The following TGM3 variants were observed in gnomAD, a reference collection of about 807,000 sequenced individuals.
TGM3 encodes transglutaminase 3, also known as protein-glutamine gamma-glutamyltransferase E.
In TGM3, 52 loss-of-function variants were observed where a neutral mutation model predicts 73.8. The ratio of observed to expected loss-of-function variants is 0.70; its 90% CI spans 0.56 to 0.89. The LOEUF (loss-of-function observed/expected upper bound fraction) is 0.89, where lower values mean the gene tolerates loss of function less well. Among genes scored for constraint, TGM3 ranks in the 40% least tolerant of loss-of-function variants. The pLI, the probability that TGM3 is intolerant of heterozygous loss-of-function variation, is 0.00. For missense variants in TGM3, 928 were observed against 909.9 expected (o/e 1.02, Z -0.26); for synonymous variants, 372 against 354.9 (o/e 1.05, Z -0.54).
Position 2,328,513 on chromosome 20 carries a change from C to T in TGM3, c.1333+148C>T. The T allele has an allele frequency of 8.5e-7, 1 of 1,176,430 alleles. No individual in the cohort carries two copies. 72.9% of individuals were successfully genotyped at this position (1,176,430 alleles called of 1,614,324 possible). On this transcript the variant is annotated intron_variant, in intron 9 of 12. Coordinates refer to ENST00000381458, the MANE Select transcript of TGM3 (RefSeq NM_003245.4). This position sits in a 1 kb window ranked among gnomAD's most constrained non-coding sequence, Gnocchi z 5.2. ...AGGATTGCTCCCTAGCACCTAACAT[C>T]CACCTCCCAGGACTGTTTCCGGAGG... is the stretch of plus-strand genomic sequence containing the variant.
intron 7 of TGM3, among the ~76,000 whole-genome samples, chr20:2,317,999 G>A (rs1453551085): frequency 6.7e-6 from 1 of 149,846 alleles, no homozygotes; most frequent in Non-Finnish European, 1.5e-5. Flanking sequence ...AAAGTTCAGA[G>A]TTTATTCTGG....
chr20:2,326,097 C>T (rs979211624), intron 8 of TGM3, 145 bp downstream of exon 8: 2 of 822,428 alleles, frequency 2.4e-6, no homozygotes, highest in Admixed American at 2.5e-5. Context: ...AATAGATCTC[C>T]CCTGCTAATT....
intron 1 of TGM3, among the ~76,000 whole-genome samples, chr20:2,300,879 A>G (rs1290885628): frequency 6.6e-6 from 1 of 151,930 alleles, no homozygotes; most frequent in Non-Finnish European, 1.5e-5. Flanking sequence ...GTTTCCCCCA[A>G]TCTCTGGGGG....
At position 2,334,192 on chromosome 20, in the gene TGM3, G is replaced by T. The variant is rs1600708518; in HGVS notation, c.1643-924G>T. Among the ~76,000 whole-genome samples, 1 of 152,176 alleles carries T rather than the reference G, an allele frequency of 6.6e-6. No individual in the cohort carries two copies. Among genetic ancestry groups the T allele is most frequent in the East Asian group, 1.9e-4 (1 of 5,188 alleles). On this transcript the variant is annotated intron_variant, in intron 10 of 12. Transcript: ENST00000381458. The surrounding 1 kb of genome is among the most constrained non-coding windows in gnomAD (Gnocchi z 4.0). ...GAAGCCAGGGGAGGCATTTCCATCT[G>T]GGGGAACCATGTGAGTCAAAATATG...
Position 2,328,448 on chromosome 20 carries a change from T to C in TGM3, c.1333+83T>C, listed in dbSNP as rs1568631253. On this transcript the variant is annotated intron_variant, in intron 9 of 12. Transcript: ENST00000381458. The surrounding 1 kb of genome is among the most constrained non-coding windows in gnomAD (Gnocchi z 5.2). ...CTGAGGCTGGAGAGGAGAAAAGTCCTCACCTCCCCCGCACTGGCAGCCAGT... is the reference window on the plus strand; with the variant it reads ...CTGAGGCTGGAGAGGAGAAAAGTCCCCACCTCCCCCGCACTGGCAGCCAGT... 2.6e-6 allele frequency: 4 copies of C among 1,563,856 alleles called. No homozygotes were observed. The East Asian group carries it at 9.1e-5, about 36-fold the overall frequency.
rs1197733976 is a variant in TGM3, at chr20:2,325,951, A to G, written c.1086A>G (p.Gln362=). The change falls in exon 8 of 13, where the codon CAA becomes CAG. Residue 362 remains glutamine (Q), a splice_region_variant and synonymous_variant. Transcript: ENST00000381458. ...VLDATPQERS[Q]GVFQCGPASV... ...ATGCTACCCCGCAGGAAAGAAGCCA[A>G]GGTAACTTCTCTGGGTGTGGTTCTG... 4.4e-6 allele frequency: 7 copies of G among 1,589,548 alleles called. No individual in the cohort carries two copies. Among genetic ancestry groups the G allele is most frequent in the Admixed American group, 1.8e-5 (1 of 57,044 alleles).
At position 2,309,681 on chromosome 20, in the gene TGM3, G is replaced by A; in HGVS notation, c.32G>A (p.Trp11Ter). 1 of 1,614,086 alleles carries A rather than the reference G, an allele frequency of 6.2e-7. No individual in the cohort carries two copies. Among genetic ancestry groups the A allele is most frequent in the Non-Finnish European group, 8.5e-7 (1 of 1,180,004 alleles). Residue 11 changes from tryptophan to a stop codon, truncating the protein, a stop_gained, in exon 2 of 13, where the codon TGG becomes TAG. Transcript: ENST00000381458. LOFTEE classifies it high-confidence loss of function. ...GCTCTAGGAGTCCAGAGTATCAACTGGCAGACGGCCTTCAACCGACAAGCG... is the reference window on the plus strand; with the variant it reads ...GCTCTAGGAGTCCAGAGTATCAACTAGCAGACGGCCTTCAACCGACAAGCG... MAALGVQSINWQTAFNRQAHH... is the reference protein window; with the variant it reads MAALGVQSIN
intron 9 of TGM3, among the ~76,000 whole-genome samples, 158 bp from the exon 10 acceptor site, chr20:2,331,844 T>G (rs1033747446): frequency 1.2e-4 from 18 of 152,226 alleles, no homozygotes; most frequent in Non-Finnish European, 1.6e-4. Flanking sequence ...GAGTCTCCGG[T>G]TAAGACAGGC....
chr20:2,306,080 G>T (rs148872401), intron 1 of TGM3, among the ~76,000 whole-genome samples: 1 of 152,240 alleles, frequency 6.6e-6, no homozygotes, highest in African/African-American at 2.4e-5. Flanking sequence ...ACAAGACATT[G>T]GTCTCTGGGA....
chr20:2,321,966 C>T (rs1287514184), intron 7 of TGM3, among the ~76,000 whole-genome samples: 1 of 151,822 alleles, frequency 6.6e-6, no homozygotes, highest in Admixed American at 6.6e-5. Flanking sequence ...TTTTAACCAG[C>T]CTGCCCTTCC....
chr20:2,311,772 A>G (rs548798491), intron 4 of TGM3, among the ~76,000 whole-genome samples: 1 of 152,302 alleles, frequency 6.6e-6, no homozygotes, highest in South Asian at 2.1e-4. Flanking sequence ...TGGGAGGAAG[A>G]AAAAAGAGAA....
chr20:2,338,810 C>G (rs993756408), intron 11 of TGM3, among the ~76,000 whole-genome samples: 1 of 152,238 alleles, frequency 6.6e-6, no homozygotes, highest in Non-Finnish European at 1.5e-5. Context: ...AAAATGCTTT[C>G]TTCCCCATCC....
chr20:2,312,543 G>A (rs990770180), intron 4 of TGM3, among the ~76,000 whole-genome samples: 8 of 152,050 alleles, frequency 5.3e-5, no homozygotes, highest in Non-Finnish European at 7.4e-5. Context: ...CCGGGGCGTC[G>A]GCTAGACCAA....
In TGM3 at chr20:2,297,078, A is replaced by C. The variant is rs568459871; in HGVS notation, c.7+1008A>C. On this transcript the variant is annotated intron_variant, in intron 1 of 12. Coordinates refer to ENST00000381458, the MANE Select transcript of TGM3 (RefSeq NM_003245.4). ...AATGTACAGCATGGCTGGGATGCTA[A>C]GAAGAGGAGCTCTGGACCCTACACA... Among the ~76,000 whole-genome samples the C allele has an allele frequency of 3.9e-5, 6 of 152,302 alleles. No homozygotes were observed. In the East Asian group the frequency reaches 1.2e-3, roughly 29 times the overall value.
Position 2,335,176 on chromosome 20 carries a change from A to T in TGM3, c.1703A>T (p.Asn568Ile), listed in dbSNP as rs550355077. The T allele has an allele frequency of 3.1e-6, 5 of 1,614,114 alleles. No individual in the cohort carries two copies. The highest frequency in any genetic ancestry group is 2.2e-5 in the South Asian group (2 of 91,088). ...TATGAGAAGTACCTGAAGTCAGACAACATGATCCGGATCACAGCGGTGTGC... is the reference window on the plus strand; with the variant it reads ...TATGAGAAGTACCTGAAGTCAGACATCATGATCCGGATCACAGCGGTGTGC... ...AQYEKYLKSD[N>I]MIRITAVCKV... The change falls in exon 11 of 13, where the codon AAC becomes ATC. Residue 568 changes from asparagine (N) to isoleucine (I), a missense_variant. By Grantham distance (149) the Asn-to-Ile change is moderately radical. Transcript: ENST00000381458.
intron 11 of TGM3, among the ~76,000 whole-genome samples, chr20:2,339,184 A>G (rs534069129): frequency 1.1e-4 from 17 of 152,326 alleles, no homozygotes; most frequent in African/African-American, 3.6e-4. Flanking sequence ...AACCCCTGGA[A>G]AAAGAGTTAA....
Position 2,340,894 on chromosome 20 carries a change from T to C in TGM3, c.*313T>C, listed in dbSNP as rs1439823009. On this transcript the variant is annotated 3_prime_UTR_variant, in exon 13 of 13. Transcript: ENST00000381458. ...CAATGCTGCAGGATGGACTGGCCCC[T>C]GACCCAGGGACTCTCCAAACGGGAT... 1 of 515,834 alleles carries C rather than the reference T, an allele frequency of 1.9e-6. No homozygotes were observed. Among genetic ancestry groups the C allele is most frequent in the East Asian group, 5.4e-5 (1 of 18,598 alleles). The allele number at this position is 515,834 out of a possible 1,614,324, so 32.0% of individuals were successfully genotyped here.
Position 2,334,265 on chromosome 20 carries a change from G to A in TGM3, c.1643-851G>A, listed in dbSNP as rs1033236499. Among the ~76,000 whole-genome samples, 6 of 152,222 alleles carry A rather than the reference G, an allele frequency of 3.9e-5. No individual in the cohort carries two copies. The highest frequency in any genetic ancestry group is 1.4e-4 in the African/African-American group (6 of 41,444). The stretch of plus-strand genomic sequence containing the variant: ...GTCTGCAGAACAAGAAGTGTGGAAG[G>A]TTCTTTTAAGGGACAGGTGATGCAG... On this transcript the variant is annotated intron_variant, in intron 10 of 12. Transcript: ENST00000381458. This position sits in a 1 kb window ranked among gnomAD's most constrained non-coding sequence, Gnocchi z 4.0.
intron 5 of TGM3, 105 bp downstream of exon 5, chr20:2,313,131 A>C: frequency 6.8e-6 from 10 of 1,480,228 alleles, no homozygotes; most frequent in Non-Finnish European, 8.3e-6. Context: ...TTAAAGCCTC[A>C]CCAATTACAG....
Sources: gnomAD v4.1 joint callset for allele counts (sites outside exome capture counted in the v4.1 genomes callset) on GRCh38, gnomAD v4.1.1 for gene constraint, Gnocchi (gnomAD v3.1) non-coding constraint, MANE v1.5 for transcripts, NCBI Gene and HGNC (gene_info 2026-07-23, HGNC 2026-07-21) for gene names.